EPHB1: variants seen among roughly 807,000 people sequenced by gnomAD.
EPHB1 encodes the protein EPH receptor B1.
Under a neutral mutation model 94.4 loss-of-function variants are expected in EPHB1, and 30 were observed. The observed-to-expected ratio is 0.32, with a 90% CI of 0.24 to 0.43. The LOEUF is 0.43. Among genes scored for constraint, EPHB1 ranks in the 20% least tolerant of loss-of-function variants. The pLI, the probability that EPHB1 is intolerant of heterozygous loss-of-function variation, is 1.00. For synonymous variants in EPHB1, 522 were observed against 489.1 expected, an observed-to-expected ratio of 1.07 and a Z score of -0.89; for missense variants, 1,055 against 1,308.3, an observed-to-expected ratio of 0.81 and a Z score of 2.99.
At chr3:135,165,347 T>A (rs548308790) in intron 7 of EPHB1, among the ~76,000 whole-genome samples, 1 of 152,224 alleles carries the variant, frequency 6.6e-6, no homozygotes, top group Non-Finnish European at 1.5e-5. Context: ...ATGAGTTCTG[T>A]CTGCCTCTAT....
At chr3:135,176,084 A>T (rs932563232) in intron 9 of EPHB1, among the ~76,000 whole-genome samples, 6 of 152,122 alleles carry the variant, frequency 3.9e-5, no homozygotes, top group African/African-American at 1.4e-4. Context: ...AAGGCTAGCT[A>T]TACTGCAGGA....
chr3:135,220,847 A>G (rs1943265066), intron 12 of EPHB1, among the ~76,000 whole-genome samples: 1 of 152,224 alleles, frequency 6.6e-6, no homozygotes, highest in Non-Finnish European at 1.5e-5. Flanking sequence ...ACTCCAAGCC[A>G]GAGAGGACAA....
chr3:134,824,692 C>T (rs1337758204), intron 1 of EPHB1, among the ~76,000 whole-genome samples: 1 of 152,152 alleles, frequency 6.6e-6, no homozygotes, highest in Non-Finnish European at 1.5e-5. Context: ...AGCAGCCTCA[C>T]AGCTTTTTAC....
intron 3 of EPHB1, among the ~76,000 whole-genome samples, chr3:135,006,549 A>G (rs375260220): frequency 3.0e-4 from 45 of 152,382 alleles, no homozygotes; most frequent in Non-Finnish European, 4.4e-4. Context: ...AAGAAAGAGA[A>G]TGATGCAAAG....
chr3:135,104,818 C>T (rs1010114852), intron 3 of EPHB1, among the ~76,000 whole-genome samples: 7 of 152,232 alleles, frequency 4.6e-5, no homozygotes, highest in African/African-American at 1.7e-4. Flanking sequence ...GCACCCCACC[C>T]AGCACATGTC....
chr3:134,828,406 C>T (rs2036524887), intron 1 of EPHB1, among the ~76,000 whole-genome samples: 1 of 152,186 alleles, frequency 6.6e-6, no homozygotes, highest in African/African-American at 2.4e-5. Context: ...AGAGACTGTC[C>T]TTTTGCTCTT....
chr3:134,825,711 C>T (rs1275038933), intron 1 of EPHB1, among the ~76,000 whole-genome samples: 3 of 152,274 alleles, frequency 2.0e-5, no homozygotes, highest in Non-Finnish European at 4.4e-5. Context: ...ACCCATGTTG[C>T]CTCCAGGAGC....
At chr3:134,810,891 G>GTAC (rs1560243379) in intron 1 of EPHB1, among the ~76,000 whole-genome samples, 1 of 152,174 alleles carries the variant, frequency 6.6e-6, no homozygotes, top group Non-Finnish European at 1.5e-5. Context: ...GCCTAGCAGG[G>GTAC]TACTGGTTCT....
At chr3:135,086,589 C>A (rs912923616) in intron 3 of EPHB1, among the ~76,000 whole-genome samples, 4 of 152,004 alleles carry the variant, frequency 2.6e-5, no homozygotes, top group South Asian at 2.1e-4. Flanking sequence ...GGGGTGCCTA[C>A]CTTCATTTTG....
intron 1 of EPHB1, among the ~76,000 whole-genome samples, chr3:134,902,492 A>G (rs1045003579): frequency 2.0e-5 from 3 of 152,210 alleles, no homozygotes; most frequent in Non-Finnish European, 4.4e-5. Context: ...CATTTTGTGC[A>G]TTTTAATATA....
chr3:135,258,978 T>C (rs1227425997), intron 15 of EPHB1, 34 bp from the exon 16 acceptor site: 3 of 1,526,892 alleles, frequency 2.0e-6, no homozygotes, highest in Non-Finnish European at 1.8e-6. Flanking sequence ...AACCTAACAC[T>C]AAAGTGACTT....
intron 2 of EPHB1, among the ~76,000 whole-genome samples, chr3:134,937,533 C>T (rs2039027485): frequency 6.6e-6 from 1 of 152,270 alleles, no homozygotes; most frequent in African/African-American, 2.4e-5. Flanking sequence ...TCAGTCAAAA[C>T]TTCCCAAGCT....
intron 3 of EPHB1, among the ~76,000 whole-genome samples, chr3:135,026,740 A>G (rs1317455039): frequency 3.0e-5 from 4 of 132,406 alleles, no homozygotes; most frequent in Admixed American, 8.0e-5. Flanking sequence ...GTTTTTTCCA[A>G]TTCTGTGAAG....
intron 3 of EPHB1, among the ~76,000 whole-genome samples, chr3:135,004,120 C>A (rs887162171): frequency 6.6e-6 from 1 of 151,770 alleles, no homozygotes; most frequent in African/African-American, 2.4e-5. Flanking sequence ...CCATGTTTAG[C>A]GCTTCCTTCA....
At chr3:134,996,290 C>G (rs1934993298) in intron 3 of EPHB1, among the ~76,000 whole-genome samples, 1 of 152,140 alleles carries the variant, frequency 6.6e-6, no homozygotes, top group Admixed American at 6.6e-5. Flanking sequence ...TCCTCCCAGG[C>G]TTGGGCAATC....
intron 1 of EPHB1, among the ~76,000 whole-genome samples, chr3:134,858,514 T>C (rs1227533697): frequency 6.6e-6 from 1 of 152,146 alleles, no homozygotes; most frequent in Non-Finnish European, 1.5e-5. Flanking sequence ...GCAGTCAACA[T>C]GGCAAGGGAT....
intron 1 of EPHB1, among the ~76,000 whole-genome samples, chr3:134,921,232 C>A (rs191540248): frequency 2.2e-4 from 33 of 152,246 alleles, no homozygotes; most frequent in African/African-American, 7.7e-4. Flanking sequence ...CTTGCCCCTC[C>A]CACTGTTGCT....
intron 12 of EPHB1, among the ~76,000 whole-genome samples, chr3:135,230,978 A>G (rs9862078): frequency 0.43 from 65,566 of 151,982 alleles, 15,397 homozygotes; most frequent in Middle Eastern, 0.62. Context: ...ATTGATGAGC[A>G]CCTAATGTTG....
intron 1 of EPHB1, among the ~76,000 whole-genome samples, chr3:134,920,705 G>A (rs186277220): frequency 1.8e-4 from 28 of 152,264 alleles, no homozygotes; most frequent in Admixed American, 1.2e-3. Context: ...TTTCCCAAAT[G>A]TCAGTATATC....
Sources: gnomAD v4.1 joint callset for allele counts (sites outside exome capture counted in the v4.1 genomes callset) on GRCh38, gnomAD v4.1.1 for gene constraint, MANE v1.5 for transcripts, NCBI Gene and HGNC (gene_info 2026-07-23, HGNC 2026-07-21) for gene names.